UNC5D: variants seen among roughly 807,000 people sequenced by gnomAD.
UNC5D encodes the protein unc-5 netrin receptor D, also known as netrin receptor UNC5D.
In UNC5D, 39 loss-of-function variants were observed where a neutral mutation model predicts 105.4. The observed-to-expected ratio is 0.37, with a 90% CI of 0.29 to 0.48. UNC5D has a LOEUF of 0.48. Among genes scored for constraint, UNC5D ranks in the 20% least tolerant of loss-of-function variants. The probability of loss-of-function intolerance (pLI) is 0.98; values close to 1 mark genes in which losing one functional copy is unlikely to be tolerated. For synonymous variants in UNC5D, 452 were observed against 450.4 expected, an observed-to-expected ratio of 1.00 and a Z score of -0.04; for missense variants, 991 against 1,202.4, an observed-to-expected ratio of 0.82 and a Z score of 2.60.
chr8:35,721,460 A>T, intron 8 of UNC5D: 2 of 702,976 alleles, frequency 2.8e-6, no homozygotes. Flanking sequence ...AATAGGATGG[A>T]GTAGGAGAGG....
intron 1 of UNC5D, among the ~76,000 whole-genome samples, chr8:35,518,833 G>A (rs1813279544): frequency 6.6e-6 from 1 of 151,752 alleles, no homozygotes; most frequent in Non-Finnish European, 1.5e-5. Context: ...CCTCTGAACA[G>A]GGCTAAATTT....
intron 4 of UNC5D, among the ~76,000 whole-genome samples, chr8:35,647,714 G>T (rs1324387160): frequency 6.6e-6 from 1 of 152,106 alleles, no homozygotes; most frequent in South Asian, 2.1e-4. Context: ...TTTATCTAAT[G>T]GCAATGTGCC....
At chr8:35,237,067 G>T (rs10098522) in intron 1 of UNC5D, among the ~76,000 whole-genome samples, 6,156 of 152,032 alleles carry the variant, frequency 0.04, 143 homozygotes, top group Middle Eastern at 0.058. Flanking sequence ...AAAGCTTATG[G>T]CGTGTTAAAA....
At position 35,464,357 on chromosome 8, in the gene UNC5D, A is replaced by G. The variant is rs994313183; in HGVS notation, c.104-84935A>G. ...AATAATAATAATAATAAAAAAGAAA[A>G]CAGTTGACTAATGATTCTCTTGCCA... On this transcript the variant is annotated intron_variant, in intron 1 of 16. Coordinates refer to ENST00000404895, the MANE Select transcript of UNC5D (RefSeq NM_080872.4). 3.9e-5 allele frequency among the ~76,000 whole-genome samples: 6 copies of G among 152,136 alleles called. No individual in the cohort carries two copies. The East Asian group carries it at 1.2e-3, about 29-fold the overall frequency.
intron 16 of UNC5D, among the ~76,000 whole-genome samples, chr8:35,784,639 T>C (rs1802660664): frequency 6.6e-6 from 1 of 152,110 alleles, no homozygotes; most frequent in South Asian, 2.1e-4. Flanking sequence ...TCCCTGCTAC[T>C]CGGGAGGCTG....
chr8:35,261,046 G>GCTA (rs555857422), intron 1 of UNC5D, among the ~76,000 whole-genome samples: 1 of 152,144 alleles, frequency 6.6e-6, no homozygotes, highest in Non-Finnish European at 1.5e-5. Flanking sequence ...AGCCTTCACT[G>GCTA]CTACGGTCAC....
intron 1 of UNC5D, among the ~76,000 whole-genome samples, chr8:35,480,884 G>C (rs1810442150): frequency 6.6e-6 from 1 of 152,150 alleles, no homozygotes; most frequent in Non-Finnish European, 1.5e-5. Flanking sequence ...GGTACAGTCT[G>C]TTTGGATGGA....
At chr8:35,618,110 C>A (rs891486311) in intron 4 of UNC5D, among the ~76,000 whole-genome samples, 1 of 152,152 alleles carries the variant, frequency 6.6e-6, no homozygotes, top group South Asian at 2.1e-4. Context: ...CTAGAGGCAG[C>A]TCTGGCATGC....
chr8:35,746,272 A>G (rs915791576), intron 11 of UNC5D, among the ~76,000 whole-genome samples: 2 of 152,270 alleles, frequency 1.3e-5, no homozygotes, highest in South Asian at 2.1e-4. Flanking sequence ...ACCTGCCTCT[A>G]TAGGTGTGCG....
At chr8:35,734,755 G>A (rs1829375271) in intron 11 of UNC5D, among the ~76,000 whole-genome samples, 2 of 150,782 alleles carry the variant, frequency 1.3e-5, no homozygotes, top group Admixed American at 1.3e-4. Flanking sequence ...TTTTGAGGGA[G>A]GGGAAATTTT....
chr8:35,636,394 A>G (rs888165816), intron 4 of UNC5D, among the ~76,000 whole-genome samples: 1 of 152,156 alleles, frequency 6.6e-6, no homozygotes, highest in South Asian at 2.1e-4. Context: ...CCCGGAGGCT[A>G]TCCTGTGAAT....
At chr8:35,351,726 T>C (rs765603240) in intron 1 of UNC5D, among the ~76,000 whole-genome samples, 3 of 152,160 alleles carry the variant, frequency 2.0e-5, no homozygotes, top group Admixed American at 6.6e-5. Context: ...CTGCCTACTA[T>C]GAGAGTGTTT....
chr8:35,240,856 G>A (rs879018589), intron 1 of UNC5D, among the ~76,000 whole-genome samples: 19 of 152,000 alleles, frequency 1.3e-4, no homozygotes, highest in Admixed American at 5.9e-4. Context: ...GAAAATAACC[G>A]CCCTCTCCCC....
rs559542255 is a variant in UNC5D, at chr8:35,418,422, A to G, written c.104-130870A>G. On this transcript the variant is annotated intron_variant, in intron 1 of 16. Transcript: ENST00000404895. ...TGACATGTAAAGGCATTTTGAGCAT[A>G]TTGTTGTTAATCCAAGTGCACATTA... Among the ~76,000 whole-genome samples the G allele has an allele frequency of 1.6e-4, 24 of 152,248 alleles. No homozygotes were observed. The South Asian group carries it at 4.8e-3, about 30-fold the overall frequency.
At chr8:35,546,454 T>C (rs1815686048) in intron 1 of UNC5D, among the ~76,000 whole-genome samples, 2 of 152,214 alleles carry the variant, frequency 1.3e-5, no homozygotes. Flanking sequence ...CATAGACGTA[T>C]TCATGCGTTG....
At position 35,555,875 on chromosome 8, in the gene UNC5D, GCACACACACACACACACACA is replaced by G. The variant is rs56788274; in HGVS notation, c.322+6396_322+6415del. Among the ~76,000 whole-genome samples the G allele has an allele frequency of 2.5e-4, 33 of 134,234 alleles. 1 individual carries two copies. The South Asian group carries it at 2.6e-3, about 11-fold the overall frequency. 88.1% of individuals were successfully genotyped at this position (134,234 alleles called of 152,430 possible). ...AATTATAAAGATCTATAAAAAAACA[GCACACACACACACACACACA>G]CACACACACACACACACACACACAC... On this transcript the variant is annotated intron_variant, in intron 2 of 16. Coordinates refer to ENST00000404895, the MANE Select transcript of UNC5D (RefSeq NM_080872.4).
intron 1 of UNC5D, among the ~76,000 whole-genome samples, chr8:35,456,376 G>A (rs1808496825): frequency 6.6e-6 from 1 of 152,072 alleles, no homozygotes; most frequent in South Asian, 2.1e-4. Context: ...TACATTTCTG[G>A]GTGATGCTGA....
intron 1 of UNC5D, among the ~76,000 whole-genome samples, chr8:35,465,128 T>C (rs1479693096): frequency 6.6e-6 from 1 of 152,220 alleles, no homozygotes; most frequent in Non-Finnish European, 1.5e-5. Flanking sequence ...CGGTGGCTCA[T>C]GCCTGTAATC....
At chr8:35,398,083 T>C (rs938380662) in intron 1 of UNC5D, among the ~76,000 whole-genome samples, 6 of 152,230 alleles carry the variant, frequency 3.9e-5, no homozygotes, top group Non-Finnish European at 8.8e-5. Context: ...TTACCTCTTA[T>C]TGTTAGTGAA....
Sources: allele counts gnomAD v4.1 joint callset (sites outside exome capture counted in the v4.1 genomes callset), GRCh38; gene constraint gnomAD v4.1.1; transcripts MANE v1.5; gene names NCBI Gene and HGNC (gene_info 2026-07-23, HGNC 2026-07-21).